The following GABRG3 variants were observed in gnomAD, a reference collection of about 807,000 sequenced individuals.
GABRG3 encodes gamma-aminobutyric acid type A receptor subunit gamma3, also known as gamma-aminobutyric acid receptor subunit gamma-3.
A neutral mutation model predicts 48.8 loss-of-function variants in GABRG3; 25 were observed. The ratio of observed to expected loss-of-function variants is 0.51; its 90% CI spans 0.37 to 0.72. The LOEUF (loss-of-function observed/expected upper bound fraction) is 0.72. Ranked by LOEUF, GABRG3 falls within the 30% of genes least tolerant of loss-of-function variation. The probability of loss-of-function intolerance (pLI) is 0.00; values close to 1 mark genes in which losing one functional copy is unlikely to be tolerated. For missense variants in GABRG3, 394 were observed against 577.9 expected, an observed-to-expected ratio of 0.68 and a Z score of 3.26; for synonymous variants, 227 against 217.6, an observed-to-expected ratio of 1.04 and a Z score of -0.38.
At chr15:27,246,118 G>A (rs925011200) in intron 3 of GABRG3, among the ~76,000 whole-genome samples, 16 of 152,060 alleles carry the variant, frequency 1.1e-4, no homozygotes, top group African/African-American at 2.7e-4. Context: ...AACACCTCCC[G>A]CCAGGCCTCG....
At chr15:27,320,834 T>C (rs2140514429) in intron 3 of GABRG3, among the ~76,000 whole-genome samples, 1 of 152,336 alleles carries the variant, frequency 6.6e-6, no homozygotes, top group African/African-American at 2.4e-5. Flanking sequence ...ATATTGATTT[T>C]TCATAATTCA....
intron 5 of GABRG3, among the ~76,000 whole-genome samples, chr15:27,479,449 C>T (rs559503027): frequency 6.6e-6 from 1 of 152,268 alleles, no homozygotes; most frequent in African/African-American, 2.4e-5. Context: ...CATGCCTGTG[C>T]CTGTACTTTA....
At chr15:27,366,619 A>G (rs1895208615) in intron 5 of GABRG3, among the ~76,000 whole-genome samples, 1 of 152,068 alleles carries the variant, frequency 6.6e-6, no homozygotes, top group South Asian at 2.1e-4. Context: ...GGGTTAAGGA[A>G]CGAACCCAAG....
At chr15:27,498,451 G>A (rs942014648) in intron 6 of GABRG3, among the ~76,000 whole-genome samples, 1 of 151,792 alleles carries the variant, frequency 6.6e-6, no homozygotes, top group South Asian at 2.1e-4. Flanking sequence ...TGTGTGTGAC[G>A]TCCAACTCCA....
At chr15:26,986,507 G>C (rs945739127) in intron 2 of GABRG3, among the ~76,000 whole-genome samples, 1 of 152,022 alleles carries the variant, frequency 6.6e-6, no homozygotes, top group Non-Finnish European at 1.5e-5. Context: ...CTGACCCTTC[G>C]CACACACACC....
At chr15:27,248,316 G>A (rs908008513) in intron 3 of GABRG3, among the ~76,000 whole-genome samples, 1 of 152,146 alleles carries the variant, frequency 6.6e-6, no homozygotes, top group African/African-American at 2.4e-5. Flanking sequence ...CCCCATTTTG[G>A]TAGATCCCTG....
intron 5 of GABRG3, among the ~76,000 whole-genome samples, chr15:27,431,750 G>C (rs1888460905): frequency 6.6e-6 from 1 of 152,142 alleles, no homozygotes; most frequent in Non-Finnish European, 1.5e-5. Flanking sequence ...TGAGCTTGTT[G>C]TGAATCTCTT....
At chr15:27,432,171 A>C (rs1888474091) in intron 5 of GABRG3, among the ~76,000 whole-genome samples, 1 of 152,176 alleles carries the variant, frequency 6.6e-6, no homozygotes, top group Non-Finnish European at 1.5e-5. Context: ...TTAACATCTT[A>C]AAACAATGTA....
chr15:27,124,959 C>T (rs540026754), intron 3 of GABRG3, among the ~76,000 whole-genome samples: 13 of 152,324 alleles, frequency 8.5e-5, no homozygotes, highest in Admixed American at 2.6e-4. Flanking sequence ...AAAACCTCAG[C>T]GCACTCTGGT....
At chr15:27,013,723 C>G (rs1022692326) in intron 2 of GABRG3, among the ~76,000 whole-genome samples, 1 of 152,072 alleles carries the variant, frequency 6.6e-6, no homozygotes, top group Admixed American at 6.5e-5. Context: ...TTCCATTGGT[C>G]TCTATATCTG....
intron 3 of GABRG3, among the ~76,000 whole-genome samples, chr15:27,031,864 C>G (rs986389086): frequency 6.6e-6 from 1 of 152,232 alleles, no homozygotes; most frequent in Non-Finnish European, 1.5e-5. Context: ...AAATAAGTGA[C>G]AGCTGAAGCA....
At chr15:27,316,236 A>C (rs1217593787) in intron 3 of GABRG3, among the ~76,000 whole-genome samples, 1 of 152,072 alleles carries the variant, frequency 6.6e-6, no homozygotes, top group East Asian at 1.9e-4. Flanking sequence ...AAATACAAAA[A>C]AATTAGCCGG....
chr15:27,009,883 C>T (rs1209355763), intron 2 of GABRG3, among the ~76,000 whole-genome samples: 2 of 152,114 alleles, frequency 1.3e-5, no homozygotes, highest in Admixed American at 6.5e-5. Context: ...TCCTCCTGCT[C>T]CTCCTCCTCC....
rs536719606 is a variant in GABRG3 at position 27,189,490 on chromosome 15, A to G, written c.271-137319A>G. 6.3e-4 allele frequency among the ~76,000 whole-genome samples: 96 copies of G among 152,180 alleles called. No individual in the cohort carries two copies. In the East Asian group the frequency reaches 0.017, roughly 26 times the overall value. The stretch of plus-strand genomic sequence containing the variant: ...TAGGTATTTTATTCTCTTTGAAGCA[A>G]TTGTGAATGGGAGTTCACTCATGAT... On this transcript the variant is annotated intron_variant, in intron 3 of 9. Coordinates refer to ENST00000615808, the MANE Select transcript of GABRG3 (RefSeq NM_033223.5).
At chr15:27,253,049 C>T (rs1176066333) in intron 3 of GABRG3, among the ~76,000 whole-genome samples, 1 of 152,172 alleles carries the variant, frequency 6.6e-6, no homozygotes, top group Non-Finnish European at 1.5e-5. Context: ...CACGTTTAGA[C>T]ACCACGCCGA....
intron 3 of GABRG3, among the ~76,000 whole-genome samples, chr15:27,226,131 G>A (rs924040667): frequency 1.3e-5 from 2 of 152,150 alleles, no homozygotes; most frequent in African/African-American, 4.8e-5. Flanking sequence ...CTGAAAGTCA[G>A]TAGGGCCCTG....
chr15:27,169,965 C>T (rs1225054424), intron 3 of GABRG3, among the ~76,000 whole-genome samples: 3 of 152,130 alleles, frequency 2.0e-5, no homozygotes, highest in South Asian at 4.2e-4. Flanking sequence ...AACAAAAATC[C>T]TGTATCCGGG....
chr15:27,393,667 C>T (rs1047816543), intron 5 of GABRG3, among the ~76,000 whole-genome samples: 1 of 152,112 alleles, frequency 6.6e-6, no homozygotes, highest in African/African-American at 2.4e-5. Context: ...TTTTTTAAGG[C>T]CAGAAAATGT....
At chr15:27,206,862 A>G (rs1249521533) in intron 3 of GABRG3, among the ~76,000 whole-genome samples, 1 of 152,176 alleles carries the variant, frequency 6.6e-6, no homozygotes, top group East Asian at 1.9e-4. Flanking sequence ...TGAAATAAGA[A>G]TAGCAACCGG....
Sources: allele counts gnomAD v4.1 joint callset (sites outside exome capture counted in the v4.1 genomes callset), GRCh38; gene constraint gnomAD v4.1.1; transcripts MANE v1.5; gene names NCBI Gene and HGNC (gene_info 2026-07-23, HGNC 2026-07-21).